NAV2: variants seen among roughly 807,000 people sequenced by gnomAD.
NAV2 encodes the protein neuron navigator 2, also known as helicase, APC down-regulated 1.
Under a neutral mutation model 223.2 loss-of-function variants are expected in NAV2, and 54 were observed. That is an observed-to-expected ratio of 0.24 (90% CI 0.19 to 0.30). The LOEUF is 0.30. Ranked by LOEUF, NAV2 falls within the 10% of genes least tolerant of loss-of-function variation. The pLI, the probability that NAV2 is intolerant of heterozygous loss-of-function variation, is 1.00. For synonymous variants in NAV2, 1,279 were observed against 1,239.3 expected (o/e 1.03, Z -0.67); for missense variants, 2,806 against 3,147.5 (o/e 0.89, Z 2.60).
intron 6 of NAV2, among the ~76,000 whole-genome samples, chr11:19,904,457 G>A (rs1452912929): frequency 2.0e-5 from 3 of 152,112 alleles, no homozygotes; most frequent in African/African-American, 7.2e-5. Context: ...TCTGGATTAG[G>A]TAGAAACTTA....
chr11:19,358,260 TGAG>T (rs1853734371), intron 1 of NAV2, among the ~76,000 whole-genome samples: 1 of 152,140 alleles, frequency 6.6e-6, no homozygotes, highest in Admixed American at 6.5e-5. Flanking sequence ...CTTCCAAAGA[TGAG>T]GAACAACATT....
intron 1 of NAV2, among the ~76,000 whole-genome samples, chr11:19,586,677 G>A (rs183925983): frequency 0.013 from 1,913 of 152,354 alleles, 42 homozygotes; most frequent in African/African-American, 0.044. Flanking sequence ...ATCAGCAGCA[G>A]AGGCTGCAGA....
At chr11:19,932,797 T>C (rs2045501035) in intron 6 of NAV2, among the ~76,000 whole-genome samples, 1 of 152,258 alleles carries the variant, frequency 6.6e-6, no homozygotes, top group African/African-American at 2.4e-5. Context: ...AGTTGGATAA[T>C]TCTTGATTCT....
chr11:19,613,323 C>T (rs1018890078), intron 1 of NAV2, among the ~76,000 whole-genome samples: 7 of 151,534 alleles, frequency 4.6e-5, no homozygotes, highest in East Asian at 3.9e-4. Context: ...GGATGTGAGG[C>T]GTTAGGGAAA....
intron 1 of NAV2, among the ~76,000 whole-genome samples, chr11:19,742,929 C>G (rs2052980611): frequency 6.6e-6 from 1 of 152,200 alleles, no homozygotes; most frequent in South Asian, 2.1e-4. Context: ...ATGGAGACTT[C>G]TGTAGTGTCT....
intron 1 of NAV2, among the ~76,000 whole-genome samples, chr11:19,598,815 C>A (rs778721070): frequency 2.6e-5 from 4 of 152,160 alleles, no homozygotes; most frequent in Non-Finnish European, 5.9e-5. Context: ...GAATGGGATG[C>A]TTCACAATGC....
upstream of NAV2, among the ~76,000 whole-genome samples, chr11:19,708,132 T>C (rs1053797838): frequency 2.6e-5 from 4 of 152,112 alleles, no homozygotes; most frequent in Non-Finnish European, 5.9e-5. Context: ...GGAAGAAAGT[T>C]TGAGATTGGA....
chr11:19,729,733 G>A (rs916918708), intron 1 of NAV2, among the ~76,000 whole-genome samples: 28 of 152,182 alleles, frequency 1.8e-4, no homozygotes, highest in African/African-American at 6.5e-4. Flanking sequence ...TGTGTTGGCT[G>A]AGAGGGGCCA....
chr11:19,774,005 A>G (rs1239771471), intron 1 of NAV2, among the ~76,000 whole-genome samples: 1 of 152,066 alleles, frequency 6.6e-6, no homozygotes, highest in Admixed American at 6.5e-5. Context: ...CTACCAAATA[A>G]CCCCATGTGA....
chr11:19,524,524 G>A (rs2043782379), intron 1 of NAV2, among the ~76,000 whole-genome samples: 1 of 152,166 alleles, frequency 6.6e-6, no homozygotes, highest in African/African-American at 2.4e-5. Context: ...TTGGAGCAGG[G>A]CAGGCACGTC....
At chr11:19,772,693 T>C (rs1188841511) in intron 1 of NAV2, among the ~76,000 whole-genome samples, 1 of 152,198 alleles carries the variant, frequency 6.6e-6, no homozygotes, top group Non-Finnish European at 1.5e-5. Context: ...TAAGACCATG[T>C]AAAAGCTGAC....
At chr11:19,992,731 G>T (rs549767644) in intron 11 of NAV2, among the ~76,000 whole-genome samples, 244 of 151,974 alleles carry the variant, frequency 1.6e-3, no homozygotes, top group African/African-American at 5.8e-3. Flanking sequence ...GGGATTACAG[G>T]TGCACACCAC....
At chr11:19,964,053 A>T (rs968147863) in intron 10 of NAV2, among the ~76,000 whole-genome samples, 3 of 152,176 alleles carry the variant, frequency 2.0e-5, no homozygotes, top group Non-Finnish European at 2.9e-5. Context: ...CGCCACCCTG[A>T]GACCTCAGAA....
intron 2 of NAV2, among the ~76,000 whole-genome samples, chr11:19,833,418 C>T (rs1021363750): frequency 2.0e-5 from 3 of 152,166 alleles, no homozygotes; most frequent in South Asian, 2.1e-4. Flanking sequence ...TGCTCAAATC[C>T]GTGGAGTACG....
At chr11:19,652,314 G>A (rs2047993502) in intron 1 of NAV2, among the ~76,000 whole-genome samples, 1 of 152,122 alleles carries the variant, frequency 6.6e-6, no homozygotes. Flanking sequence ...CTGACATGCA[G>A]GGTGGGTTCT....
intron 1 of NAV2, among the ~76,000 whole-genome samples, chr11:19,727,512 C>T (rs2051351881): frequency 6.6e-6 from 1 of 152,230 alleles, no homozygotes; most frequent in African/African-American, 2.4e-5. Flanking sequence ...CTCTCCATTG[C>T]CTTGTCTAAT....
chr11:19,524,721 T>C (rs2043790726), intron 1 of NAV2, among the ~76,000 whole-genome samples: 1 of 152,204 alleles, frequency 6.6e-6, no homozygotes, highest in African/African-American at 2.4e-5. Context: ...TTTTTTAAGA[T>C]ATTAATTTCA....
At chr11:19,633,250 C>A (rs925980409) in intron 1 of NAV2, among the ~76,000 whole-genome samples, 4 of 152,194 alleles carry the variant, frequency 2.6e-5, no homozygotes, top group Non-Finnish European at 5.9e-5. Flanking sequence ...GGGGCCTCTT[C>A]TTGGCTGCCA....
chr11:19,817,892 C>T (rs368755368), intron 1 of NAV2, among the ~76,000 whole-genome samples: 3 of 152,116 alleles, frequency 2.0e-5, no homozygotes, highest in African/African-American at 7.2e-5. Context: ...CTAGAAAGCA[C>T]CAGTAAGAAT....
Sources: gnomAD v4.1 joint callset for allele counts (sites outside exome capture counted in the v4.1 genomes callset) on GRCh38, gnomAD v4.1.1 for gene constraint, MANE v1.5 for transcripts, NCBI Gene and HGNC (gene_info 2026-07-23, HGNC 2026-07-21) for gene names.